Variants in FSHR observed in about 807,000 individuals in gnomAD.
FSHR encodes follicle-stimulating hormone receptor.
Under a neutral mutation model 52.1 loss-of-function variants are expected in FSHR, and 46 were observed. The ratio of observed to expected loss-of-function variants is 0.88; its 90% CI spans 0.70 to 1.13. The LOEUF is 1.13. FSHR is among the 50% of genes most tolerant of loss of function. The probability of loss-of-function intolerance (pLI) is 0.00; values close to 1 mark genes in which losing one functional copy is unlikely to be tolerated. For missense variants in FSHR, 964 were observed against 834.6 expected, an observed-to-expected ratio of 1.16 and a Z score of -1.91; for synonymous variants, 399 against 309.6, an observed-to-expected ratio of 1.29 and a Z score of -3.03.
intron 1 of FSHR, among the ~76,000 whole-genome samples, chr2:49,111,717 G>A (rs1387244803): frequency 6.6e-6 from 1 of 152,148 alleles, no homozygotes; most frequent in Non-Finnish European, 1.5e-5. Flanking sequence ...CTCAGCAAGT[G>A]TCTATTATGA....
chr2:48,963,045 G>C lies in FSHR; in HGVS notation c.1776C>G (p.Ala592=). ...FLCMAPISFF[A]ISASLKVPLI... ...GGGGCACCTTGAGGGAGGCAGAAAT[G>C]GCAAAGAAAGAAATGGGTGCCATGC... The change falls in exon 10 of 10, where the codon GCC becomes GCG. Residue 592 remains alanine (A), a synonymous_variant. Transcript: ENST00000406846. 6.2e-7 allele frequency: 1 copy of C among 1,614,032 alleles called. No individual in the cohort carries two copies.
intron 1 of FSHR, among the ~76,000 whole-genome samples, chr2:49,150,922 G>T (rs1417223470): frequency 6.6e-6 from 1 of 151,776 alleles, no homozygotes; most frequent in Admixed American, 6.6e-5. Flanking sequence ...TTTTCACATG[G>T]TTGAAAAAAA....
At chr2:49,018,861 T>TTG (rs369194959) in intron 3 of FSHR, among the ~76,000 whole-genome samples, 15 of 151,656 alleles carry the variant, frequency 9.9e-5, no homozygotes, top group African/African-American at 3.4e-4. Flanking sequence ...GTGTGTCTAT[T>TTG]TGTGTGTGTG....
intron 2 of FSHR, among the ~76,000 whole-genome samples, chr2:49,036,317 A>G (rs1286445560): frequency 3.3e-5 from 5 of 151,960 alleles, no homozygotes; most frequent in Admixed American, 3.3e-4. Context: ...GTTATCTTTG[A>G]TCTGTGTTTC....
At chr2:48,980,289 C>A (rs534159060) in intron 8 of FSHR, among the ~76,000 whole-genome samples, 2 of 152,230 alleles carry the variant, frequency 1.3e-5, no homozygotes, top group African/African-American at 4.8e-5. Flanking sequence ...CTTCCTAATT[C>A]CATGGATTTT....
intron 4 of FSHR, among the ~76,000 whole-genome samples, chr2:49,003,532 A>G (rs1666979073): frequency 6.6e-6 from 1 of 152,136 alleles, no homozygotes; most frequent in South Asian, 2.1e-4. Context: ...AGCTGGGACA[A>G]TTCAGCTAGA....
rs537976024 is a variant in FSHR, at chr2:49,124,291, G to A, written c.152+29975C>T. On this transcript the variant is annotated intron_variant, in intron 1 of 9. Coordinates refer to ENST00000406846, the MANE Select transcript of FSHR (RefSeq NM_000145.4). ...ATTACAGCCATGAGCCACCACACCC[G>A]GCCGAGTTTTCTTTAAGTGTAAGTT... Among the ~76,000 whole-genome samples the A allele has an allele frequency of 1.6e-3, 240 of 151,860 alleles. 3 individuals carry two copies. The South Asian group carries it at 0.016, about 10-fold the overall frequency.
chr2:49,132,342 T>C (rs1479672912), intron 1 of FSHR, among the ~76,000 whole-genome samples: 1 of 152,214 alleles, frequency 6.6e-6, no homozygotes, highest in Admixed American at 6.6e-5. Context: ...GTCATTTTTG[T>C]TTCTATCCTG....
At position 48,976,001 on chromosome 2, in the gene FSHR, G is replaced by A. The variant is rs1225609446; in HGVS notation, c.668+6911C>T. Among the ~76,000 whole-genome samples the A allele has an allele frequency of 3.9e-5, 6 of 152,244 alleles. No homozygotes were observed. In the East Asian group the frequency reaches 9.7e-4, roughly 25 times the overall value. ...TTTCTTTCTCTTGCCTGATTGTCCTGGCCAGAACTTCCAACACTGTGTTGA... is the reference window on the plus strand; with the variant it reads ...TTTCTTTCTCTTGCCTGATTGTCCTAGCCAGAACTTCCAACACTGTGTTGA... On this transcript the variant is annotated intron_variant, in intron 8 of 9. Transcript: ENST00000406846.
intron 1 of FSHR, among the ~76,000 whole-genome samples, chr2:49,087,042 T>C: frequency 6.7e-6 from 1 of 149,176 alleles, no homozygotes; most frequent in African/African-American, 2.5e-5. Flanking sequence ...GTTGCTCTGC[T>C]CAGTAGTTGA....
chr2:49,034,019 T>G (rs1395038226), intron 2 of FSHR, among the ~76,000 whole-genome samples: 6 of 152,194 alleles, frequency 3.9e-5, no homozygotes, highest in Non-Finnish European at 1.5e-5. Context: ...GGCTGAATTG[T>G]AGACGTCTCT....
At chr2:49,135,388 A>T (rs1040565035) in intron 1 of FSHR, among the ~76,000 whole-genome samples, 1 of 152,192 alleles carries the variant, frequency 6.6e-6, no homozygotes, top group African/African-American at 2.4e-5. Context: ...TTTTTTAAAA[A>T]AGGAAAACAG....
At chr2:49,003,295 C>T (rs1265467605) in intron 4 of FSHR, among the ~76,000 whole-genome samples, 1 of 152,150 alleles carries the variant, frequency 6.6e-6, no homozygotes, top group Non-Finnish European at 1.5e-5. Flanking sequence ...TCATGAAGGG[C>T]CACTGTGTGC....
chr2:49,105,171 G>A (rs941622638), intron 1 of FSHR, among the ~76,000 whole-genome samples: 5 of 152,082 alleles, frequency 3.3e-5, no homozygotes, highest in African/African-American at 1.2e-4. Flanking sequence ...GTTTTCACCA[G>A]TGTAATCTAG....
At chr2:48,964,362 A>C (rs1674376457) in intron 9 of FSHR, among the ~76,000 whole-genome samples, 1 of 152,148 alleles carries the variant, frequency 6.6e-6, no homozygotes, top group Non-Finnish European at 1.5e-5. Context: ...ATTCGTCTAC[A>C]CTCAAATCAC....
intron 1 of FSHR, among the ~76,000 whole-genome samples, chr2:49,082,605 T>C (rs1295723353): frequency 1.3e-5 from 2 of 151,300 alleles, no homozygotes; most frequent in Non-Finnish European, 2.9e-5. Context: ...TGAAAAAAAT[T>C]TAGAAGAATG....
At chr2:49,130,683 A>G (rs1672232342) in intron 1 of FSHR, among the ~76,000 whole-genome samples, 2 of 152,218 alleles carry the variant, frequency 1.3e-5, no homozygotes, top group African/African-American at 4.8e-5. Context: ...AAAATAAGAT[A>G]CTTTATCCCT....
chr2:49,032,839 C>T (rs181914025), intron 2 of FSHR, among the ~76,000 whole-genome samples: 27 of 152,224 alleles, frequency 1.8e-4, no homozygotes, highest in Admixed American at 7.2e-4. Flanking sequence ...TGAATAGCCA[C>T]CCCCTTCCTG....
chr2:49,101,600 T>C (rs1671029474), intron 1 of FSHR, among the ~76,000 whole-genome samples: 2 of 152,102 alleles, frequency 1.3e-5, no homozygotes, highest in Non-Finnish European at 2.9e-5. Flanking sequence ...CAGAATAACA[T>C]ATGAGGAGAG....
Sources: gnomAD v4.1 joint callset for allele counts (sites outside exome capture counted in the v4.1 genomes callset) on GRCh38, gnomAD v4.1.1 for gene constraint, MANE v1.5 for transcripts, NCBI Gene and HGNC (gene_info 2026-07-23, HGNC 2026-07-21) for gene names.